The following SLC9B1 variants were observed in gnomAD, a reference collection of about 807,000 sequenced individuals.
The protein encoded by SLC9B1 is sodium/hydrogen exchanger 9B1.
Under a neutral mutation model 51.7 loss-of-function variants are expected in SLC9B1, and 32 were observed. The ratio of observed to expected loss-of-function variants is 0.62; its 90% confidence interval spans 0.47 to 0.83. SLC9B1 has a LOEUF of 0.83. SLC9B1 is among the 40% of genes least tolerant of loss of function. The pLI is 0.00. For missense variants in SLC9B1, 406 were observed against 613.2 expected (o/e 0.66, Z 3.57); for synonymous variants, 145 against 212.7 (o/e 0.68, Z 2.77).
At chr4:102,897,738 A>T (rs1356060842), downstream of SLC9B1, 1 of 477,920 alleles carries the variant, frequency 2.1e-6, no homozygotes, top group Non-Finnish European at 4.1e-6. Context: ...GTAAGAGACC[A>T]GCTTCTTCAC....
At chr4:102,975,609 T>TTTTTTTG in intron 3 of SLC9B1, among the ~76,000 whole-genome samples, 2 of 137,138 alleles carry the variant, frequency 1.5e-5, no homozygotes, top group African/African-American at 5.5e-5. Context: ...TTTTTTTTTT[T>TTTTTTTG]GAGGCTGGAG....
chr4:102,985,229 G>A lies in SLC9B1; in HGVS notation c.211+4571C>T, dbSNP rs138090007. On this transcript the variant is annotated intron_variant, in intron 3 of 11. Coordinates refer to ENST00000296422, the MANE Select transcript of SLC9B1 (RefSeq NM_139173.4). ...GTATCTTGTAAAAAACACATAGTTC[G>A]GTCTTATTTTTGACCCACTCTAGCA... Among the ~76,000 whole-genome samples, 73 of 152,002 alleles carry A rather than the reference G, an allele frequency of 4.8e-4. 1 individual carries two copies. The East Asian group carries it at 0.013, about 26-fold the overall frequency.
chr4:102,959,177 A>G (rs1737953466), intron 3 of SLC9B1, among the ~76,000 whole-genome samples: 1 of 152,156 alleles, frequency 6.6e-6, no homozygotes, highest in Non-Finnish European at 1.5e-5. Context: ...CAAACTTTAG[A>G]TAAAACAAGC....
intron 1 of SLC9B1, among the ~76,000 whole-genome samples, chr4:103,015,925 G>A (rs573490374): frequency 2.7e-4 from 41 of 151,922 alleles, no homozygotes; most frequent in Admixed American, 1.8e-3. Flanking sequence ...GAGGTCAGGA[G>A]TTCAAGACCA....
Position 102,945,322 on chromosome 4 carries a change from TG to T in SLC9B1, c.526-3del. 6.3e-7 allele frequency: 1 copy of T among 1,594,436 alleles called. No homozygotes were observed. The highest frequency in any genetic ancestry group is 1.1e-5 in the South Asian group (1 of 87,716). On this transcript the variant is annotated splice_polypyrimidine_tract_variant and splice_region_variant and intron_variant, in intron 5 of 11. Transcript: ENST00000296422. The stretch of plus-strand genomic sequence containing the variant: ...AACGACCTTCAAATGCCTCAAAGCC[TG>T]AAACACAAAACAGTCACACTTAGAT...
intron 3 of SLC9B1, among the ~76,000 whole-genome samples, chr4:102,970,022 T>A (rs569565429): frequency 5.3e-5 from 8 of 152,256 alleles, no homozygotes; most frequent in Admixed American, 3.9e-4. Flanking sequence ...TTGGTGTACT[T>A]GAAAGTGATG....
intron 7 of SLC9B1, among the ~76,000 whole-genome samples, chr4:102,920,770 G>C (rs1735832757): frequency 6.6e-6 from 1 of 152,212 alleles, no homozygotes; most frequent in Non-Finnish European, 1.5e-5. Flanking sequence ...ACATGCACAA[G>C]CTTCAATAGC....
Position 102,909,863 on chromosome 4 carries a change from G to T in SLC9B1, c.1086+576C>A, listed in dbSNP as rs181067093. ...TTTGTGATGGAGTTTTGCACTTGTTGCCCAGGCTGGAGTGCAATGGCATGA... is the reference window on the plus strand; with the variant it reads ...TTTGTGATGGAGTTTTGCACTTGTTTCCCAGGCTGGAGTGCAATGGCATGA... On this transcript the variant is annotated intron_variant, in intron 9 of 11. Coordinates refer to ENST00000296422, the MANE Select transcript of SLC9B1 (RefSeq NM_139173.4). Among the ~76,000 whole-genome samples the T allele has an allele frequency of 2.0e-4, 31 of 151,934 alleles. No homozygotes were observed. In the East Asian group the frequency reaches 3.9e-3, roughly 19 times the overall value.
intron 11 of SLC9B1, among the ~76,000 whole-genome samples, chr4:102,904,658 A>G (rs1418023609): frequency 6.6e-6 from 1 of 151,906 alleles, no homozygotes; most frequent in Non-Finnish European, 1.5e-5. Flanking sequence ...AGCCTGGGCA[A>G]CATAGCAAGA....
chr4:102,927,701 T>C (rs1736256682), intron 7 of SLC9B1, among the ~76,000 whole-genome samples: 1 of 152,230 alleles, frequency 6.6e-6, no homozygotes, highest in Non-Finnish European at 1.5e-5. Context: ...GAATTACCAT[T>C]TGACCCGGCA....
intron 4 of SLC9B1, among the ~76,000 whole-genome samples, chr4:102,947,867 G>T (rs1372437412): frequency 1.4e-5 from 2 of 145,416 alleles, no homozygotes; most frequent in African/African-American, 5.2e-5. Flanking sequence ...AACACTTCTA[G>T]TATTAAACAA....
At chr4:102,991,109 G>A (rs984895628) in intron 2 of SLC9B1, among the ~76,000 whole-genome samples, 2 of 151,766 alleles carry the variant, frequency 1.3e-5, no homozygotes, top group Non-Finnish European at 2.9e-5. Flanking sequence ...TAGAATCAAT[G>A]GTGAATATTT....
At chr4:102,969,259 G>A (rs1431414148) in intron 3 of SLC9B1, among the ~76,000 whole-genome samples, 13 of 152,266 alleles carry the variant, frequency 8.5e-5, no homozygotes, top group East Asian at 1.9e-4. Context: ...TCATATAGCC[G>A]GGTGTCCCTC....
At chr4:102,929,913 A>G (rs1249691894) in intron 7 of SLC9B1, among the ~76,000 whole-genome samples, 12 of 152,266 alleles carry the variant, frequency 7.9e-5, no homozygotes, top group Non-Finnish European at 1.8e-4. Context: ...CACAATTGAC[A>G]ATAAAAAACT....
At chr4:102,957,819 CTCT>C (rs1737887447) in intron 3 of SLC9B1, among the ~76,000 whole-genome samples, 1 of 151,802 alleles carries the variant, frequency 6.6e-6, no homozygotes, top group African/African-American at 2.4e-5. Flanking sequence ...CTGATTTCAT[CTCT>C]TTTTTAAAAA....
chr4:102,942,501 T>C (rs1022265470), intron 6 of SLC9B1, among the ~76,000 whole-genome samples: 1 of 152,076 alleles, frequency 6.6e-6, no homozygotes, highest in East Asian at 1.9e-4. Context: ...TGGAACAGAA[T>C]AGAGAACTGA....
chr4:102,940,263 A>G (rs573104070), intron 6 of SLC9B1, among the ~76,000 whole-genome samples: 1 of 152,320 alleles, frequency 6.6e-6, no homozygotes, highest in East Asian at 1.9e-4. Flanking sequence ...AATAGCCACA[A>G]AAAAACTATA....
chr4:102,926,699 T>A (rs1436514747), intron 7 of SLC9B1, among the ~76,000 whole-genome samples: 2 of 151,974 alleles, frequency 1.3e-5, no homozygotes, highest in Non-Finnish European at 1.5e-5. Context: ...TTCAATACTA[T>A]CCCCATCAAG....
intron 1 of SLC9B1, among the ~76,000 whole-genome samples, chr4:102,996,109 T>A (rs868660980): frequency 6.6e-6 from 1 of 152,184 alleles, no homozygotes; most frequent in Non-Finnish European, 1.5e-5. Context: ...TTAACTGTTG[T>A]GGTGACATTG....
Sources: allele counts gnomAD v4.1 joint callset (sites outside exome capture counted in the v4.1 genomes callset), GRCh38; gene constraint gnomAD v4.1.1; transcripts MANE v1.5; gene names NCBI Gene and HGNC (gene_info 2026-07-23, HGNC 2026-07-21).